Variants in PREP observed in about 807,000 individuals in gnomAD.
PREP encodes the protein prolyl endopeptidase, also known as dJ355L5.1 (prolyl endopeptidase).
Under a neutral mutation model 87.6 loss-of-function variants are expected in PREP, and 29 were observed. The ratio of observed to expected loss-of-function variants is 0.33; its 90% confidence interval spans 0.25 to 0.45. The LOEUF is 0.45. PREP is among the 20% of genes least tolerant of loss of function. The pLI, the probability that PREP is intolerant of heterozygous loss-of-function variation, is 1.00. For missense variants in PREP, 695 were observed against 886.5 expected (o/e 0.78, Z 2.74); for synonymous variants, 337 against 328.6 (o/e 1.03, Z -0.28).
chr6:105,379,896 A>C (rs1005292854), intron 2 of PREP, among the ~76,000 whole-genome samples: 1 of 152,242 alleles, frequency 6.6e-6, no homozygotes. Flanking sequence ...TACACAGGGT[A>C]ATCAGCAGAG....
intron 10 of PREP, among the ~76,000 whole-genome samples, chr6:105,300,176 C>T (rs183504301): frequency 8.7e-4 from 133 of 152,284 alleles, no homozygotes; most frequent in Non-Finnish European, 1.5e-3. Flanking sequence ...GGATTATAGG[C>T]GTGAGCCACC....
At chr6:105,291,185 G>A (rs879037335) in intron 10 of PREP, among the ~76,000 whole-genome samples, 9 of 152,174 alleles carry the variant, frequency 5.9e-5, no homozygotes, top group Middle Eastern at 3.2e-3. Flanking sequence ...GCTGGTGGAG[G>A]GCCTTGCCTT....
intron 7 of PREP, among the ~76,000 whole-genome samples, chr6:105,334,908 G>A (rs1771441611): frequency 1.3e-5 from 2 of 152,130 alleles, no homozygotes; most frequent in African/African-American, 4.8e-5. Context: ...TCTTTCTTAA[G>A]ATACAATTAT....
chr6:105,364,507 C>A (rs1056170947), intron 6 of PREP, among the ~76,000 whole-genome samples: 1 of 152,026 alleles, frequency 6.6e-6, no homozygotes, highest in Non-Finnish European at 1.5e-5. Flanking sequence ...GGGAGGTTGA[C>A]GACAGCAAGC....
At chr6:105,356,352 G>A (rs1348685668) in intron 6 of PREP, among the ~76,000 whole-genome samples, 1 of 152,198 alleles carries the variant, frequency 6.6e-6, no homozygotes, top group African/African-American at 2.4e-5. Flanking sequence ...TTGTCAGAAT[G>A]TGAACGTCTC....
At chr6:105,394,670 T>C (rs1198923272) in intron 2 of PREP, among the ~76,000 whole-genome samples, 1 of 152,052 alleles carries the variant, frequency 6.6e-6, no homozygotes, top group Admixed American at 6.5e-5. Context: ...CCAGGCATGG[T>C]GGTGTGCGCC....
At chr6:105,306,968 T>C (rs1381315199) in intron 10 of PREP, among the ~76,000 whole-genome samples, 1 of 152,112 alleles carries the variant, frequency 6.6e-6, no homozygotes, top group East Asian at 1.9e-4. Flanking sequence ...AAGCTATTCA[T>C]TTCCACTGGA....
At chr6:105,358,352 T>C (rs1452513062) in intron 6 of PREP, among the ~76,000 whole-genome samples, 1 of 152,190 alleles carries the variant, frequency 6.6e-6, no homozygotes, top group African/African-American at 2.4e-5. Flanking sequence ...ACTCTGACAG[T>C]CTACTTCTGC....
intron 7 of PREP, among the ~76,000 whole-genome samples, chr6:105,339,461 A>C (rs1416199809): frequency 6.6e-6 from 1 of 152,192 alleles, no homozygotes; most frequent in Non-Finnish European, 1.5e-5. Context: ...AAATTCTAAA[A>C]ATCAGAGCTC....
At chr6:105,381,858 C>T (rs55710250) in intron 2 of PREP, among the ~76,000 whole-genome samples, 37,704 of 151,804 alleles carry the variant, frequency 0.25, 6,971 homozygotes, top group African/African-American at 0.53. Flanking sequence ...AAATCTGTTA[C>T]AAGGGTAGCT....
At chr6:105,395,403 T>G (rs1393810909) in intron 2 of PREP, among the ~76,000 whole-genome samples, 1 of 152,192 alleles carries the variant, frequency 6.6e-6, no homozygotes, top group South Asian at 2.1e-4. Flanking sequence ...TGAGTAGCCA[T>G]GGACAACATA....
chr6:105,393,915 G>T, intron 2 of PREP, among the ~76,000 whole-genome samples: 1 of 144,202 alleles, frequency 6.9e-6, no homozygotes, highest in African/African-American at 2.8e-5. Context: ...AAATATTAAG[G>T]TATTTTACTT....
chr6:105,289,392 T>G (rs544870369), intron 10 of PREP, among the ~76,000 whole-genome samples: 3 of 152,306 alleles, frequency 2.0e-5, no homozygotes, highest in Non-Finnish European at 4.4e-5. Flanking sequence ...GTTAAGATGC[T>G]CAAGACGTCA....
At chr6:105,402,700 G>A in intron 1 of PREP, 147 bp downstream of exon 1, 3 of 666,966 alleles carry the variant, frequency 4.5e-6, no homozygotes, top group Non-Finnish European at 6.6e-6. Context: ...CCGCGCCCCC[G>A]GCCCAATTCT....
intron 2 of PREP, among the ~76,000 whole-genome samples, chr6:105,395,005 A>G (rs1263577305): frequency 2.0e-5 from 3 of 152,214 alleles, no homozygotes; most frequent in Non-Finnish European, 4.4e-5. Context: ...TTCCAACAGA[A>G]GTCATTAGGC....
intron 10 of PREP, among the ~76,000 whole-genome samples, chr6:105,290,458 C>A (rs185192593): frequency 6.6e-6 from 1 of 151,840 alleles, no homozygotes. Context: ...CCAACTACCC[C>A]CAGCTTCTCA....
At chr6:105,373,288 A>G (rs766154211) in intron 5 of PREP, 81 bp downstream of exon 5, 18 of 1,428,028 alleles carry the variant, frequency 1.3e-5, no homozygotes, top group Non-Finnish European at 1.8e-5. Flanking sequence ...ACCTCTATGT[A>G]GGGTTCAGCA....
At chr6:105,327,817 C>T (rs1336001570) in intron 9 of PREP, among the ~76,000 whole-genome samples, 1 of 152,174 alleles carries the variant, frequency 6.6e-6, no homozygotes, top group Non-Finnish European at 1.5e-5. Flanking sequence ...TCTGCCTGGT[C>T]AACTGCAAAC....
intron 10 of PREP, among the ~76,000 whole-genome samples, chr6:105,300,344 C>A (rs1253454294): frequency 1.3e-5 from 2 of 152,180 alleles, no homozygotes; most frequent in Admixed American, 6.5e-5. Context: ...GTGTTACCAT[C>A]TTGAAGACAG....
Sources: gnomAD v4.1 joint callset for allele counts (sites outside exome capture counted in the v4.1 genomes callset) on GRCh38, gnomAD v4.1.1 for gene constraint, MANE v1.5 for transcripts, NCBI Gene and HGNC (gene_info 2026-07-23, HGNC 2026-07-21) for gene names.